ARL15: variants seen among roughly 807,000 people sequenced by gnomAD.
ARL15 encodes the protein ARF like GTPase 15, also known as ADP-ribosylation factor-like protein 15.
Under a neutral mutation model 25.2 loss-of-function variants are expected in ARL15, and 19 were observed. That is an observed-to-expected ratio of 0.75 (90% CI 0.53 to 1.10). The LOEUF (loss-of-function observed/expected upper bound fraction) is 1.10. Ranked by LOEUF, ARL15 falls within the 50% of genes least tolerant of loss-of-function variation. ARL15 has a pLI of 0.00. For missense variants in ARL15, 220 were observed against 246.0 expected (o/e 0.89, Z 0.71); for synonymous variants, 94 against 86.8 (o/e 1.08, Z -0.46).
chr5:53,888,257 T>C (rs941091096), intron 4 of ARL15, among the ~76,000 whole-genome samples: 4 of 151,264 alleles, frequency 2.6e-5, no homozygotes, highest in Admixed American at 1.3e-4. Context: ...TTTTTCTTTT[T>C]TTGTTTTATT....
intron 4 of ARL15, among the ~76,000 whole-genome samples, chr5:54,057,131 GC>G (rs1750901705): frequency 6.6e-6 from 1 of 152,064 alleles, no homozygotes; most frequent in Non-Finnish European, 1.5e-5. Flanking sequence ...TTTATAGTCA[GC>G]CTGCAATAGG....
intron 1 of ARL15, among the ~76,000 whole-genome samples, chr5:54,299,488 GT>G (rs1758557440): frequency 6.7e-6 from 1 of 148,880 alleles, no homozygotes; most frequent in African/African-American, 2.5e-5. Context: ...AATAGTAAAT[GT>G]ATAGCATATA....
chr5:53,917,671 C>T (rs895164854), intron 4 of ARL15, among the ~76,000 whole-genome samples: 2 of 152,162 alleles, frequency 1.3e-5, no homozygotes, highest in African/African-American at 4.8e-5. Context: ...GGAAACAGTG[C>T]TCTTCAAGTC....
At chr5:54,080,812 CAGA>C (rs1269874773) in intron 4 of ARL15, among the ~76,000 whole-genome samples, 7 of 152,148 alleles carry the variant, frequency 4.6e-5, no homozygotes, top group Non-Finnish European at 7.4e-5. Flanking sequence ...CTTCATTCAT[CAGA>C]AGAAGATGGG....
chr5:53,950,060 C>T (rs553759483), intron 4 of ARL15, among the ~76,000 whole-genome samples: 1 of 152,128 alleles, frequency 6.6e-6, no homozygotes, highest in Admixed American at 6.5e-5. Flanking sequence ...TAAGTAAAAC[C>T]ATAAACATGA....
chr5:53,947,674 C>T (rs975015656), intron 4 of ARL15, among the ~76,000 whole-genome samples: 31 of 152,140 alleles, frequency 2.0e-4, no homozygotes, highest in Admixed American at 6.6e-5. Context: ...ACTCCTCAAA[C>T]TGAATGCAGC....
chr5:54,233,347 T>C (rs1756722324), intron 1 of ARL15, among the ~76,000 whole-genome samples: 1 of 152,226 alleles, frequency 6.6e-6, no homozygotes, highest in South Asian at 2.1e-4. Context: ...TCACAGATAT[T>C]TTCTTAAAAA....
chr5:54,270,864 G>C (rs1297122782), intron 1 of ARL15, among the ~76,000 whole-genome samples: 1 of 152,238 alleles, frequency 6.6e-6, no homozygotes, highest in South Asian at 2.1e-4. Context: ...ATTGGCATGT[G>C]AGTCTGAGCG....
chr5:54,263,348 A>G (rs1757542989), intron 1 of ARL15, among the ~76,000 whole-genome samples: 1 of 152,178 alleles, frequency 6.6e-6, no homozygotes, highest in Non-Finnish European at 1.5e-5. Context: ...AAATAAAAAA[A>G]GATTAGATAA....
At chr5:53,907,911 A>G (rs1745324754) in intron 4 of ARL15, among the ~76,000 whole-genome samples, 2 of 152,230 alleles carry the variant, frequency 1.3e-5, no homozygotes, top group South Asian at 4.1e-4. Context: ...GAAATGTTTC[A>G]GATACGATTG....
intron 3 of ARL15, among the ~76,000 whole-genome samples, chr5:54,132,240 T>C (rs1753461083): frequency 6.6e-6 from 1 of 152,174 alleles, no homozygotes; most frequent in East Asian, 1.9e-4. Context: ...ATATGTCTTA[T>C]ACTACCATAT....
chr5:53,980,095 T>C (rs1181667755), intron 4 of ARL15, among the ~76,000 whole-genome samples: 1 of 144,416 alleles, frequency 6.9e-6, no homozygotes, highest in Non-Finnish European at 1.5e-5. Flanking sequence ...CATTGGCTAA[T>C]AAACCTATGA....
At chr5:54,016,432 A>T (rs1421677113) in intron 4 of ARL15, among the ~76,000 whole-genome samples, 3 of 152,122 alleles carry the variant, frequency 2.0e-5, no homozygotes, top group African/African-American at 7.2e-5. Context: ...GTCACAATCC[A>T]CAGGACTCAT....
intron 4 of ARL15, among the ~76,000 whole-genome samples, chr5:54,057,988 CTTTA>C (rs58782533): frequency 2.2e-3 from 71 of 32,750 alleles, no homozygotes; most frequent in South Asian, 0.01. Flanking sequence ...TTACTGGTGC[CTTTA>C]TTTATTTATT....
chr5:53,897,781 C>G (rs1744922491), intron 4 of ARL15, among the ~76,000 whole-genome samples: 1 of 152,052 alleles, frequency 6.6e-6, no homozygotes, highest in South Asian at 2.1e-4. Context: ...ATATAATTCT[C>G]TTTTATATGT....
At chr5:54,229,429 C>T (rs562183288) in intron 1 of ARL15, among the ~76,000 whole-genome samples, 13 of 152,082 alleles carry the variant, frequency 8.5e-5, no homozygotes, top group African/African-American at 3.1e-4. Context: ...GAATCAGACA[C>T]GAGAGATATG....
At chr5:54,099,090 G>A (rs948532566) in intron 4 of ARL15, among the ~76,000 whole-genome samples, 2 of 152,152 alleles carry the variant, frequency 1.3e-5, no homozygotes, top group African/African-American at 2.4e-5. Flanking sequence ...TCTGGATTTT[G>A]GTGAGGCTGC....
At chr5:54,264,177 G>A (rs542189668) in intron 1 of ARL15, among the ~76,000 whole-genome samples, 3 of 152,114 alleles carry the variant, frequency 2.0e-5, no homozygotes, top group Non-Finnish European at 2.9e-5. Context: ...CATTTCACTT[G>A]ATGAAAATCA....
intron 1 of ARL15, among the ~76,000 whole-genome samples, chr5:54,181,517 G>A (rs924374571): frequency 1.3e-5 from 2 of 152,094 alleles, no homozygotes; most frequent in Non-Finnish European, 2.9e-5. Context: ...CTGATTACCT[G>A]AACAGAACAT....
Sources: allele counts gnomAD v4.1 joint callset (sites outside exome capture counted in the v4.1 genomes callset), GRCh38; gene constraint gnomAD v4.1.1; transcripts MANE v1.5; gene names NCBI Gene and HGNC (gene_info 2026-07-23, HGNC 2026-07-21).